Variants in NALCN observed in about 807,000 individuals in gnomAD.
NALCN encodes sodium leak channel NALCN.
A neutral mutation model predicts 225.3 loss-of-function variants in NALCN; 111 were observed. That is an observed-to-expected ratio of 0.49 (90% confidence interval 0.42 to 0.58). The LOEUF is 0.58. NALCN is among the 20% of genes least tolerant of loss of function. The probability of loss-of-function intolerance (pLI) is 0.00; values close to 1 mark genes in which losing one functional copy is unlikely to be tolerated. For missense variants in NALCN, 1,378 were observed against 2,202.4 expected, an observed-to-expected ratio of 0.63 and a Z score of 7.49; for synonymous variants, 764 against 769.0, an observed-to-expected ratio of 0.99 and a Z score of 0.11.
rs189418293 is a variant in NALCN, at chr13:101,096,114, A to G, written c.3163-434T>C. On this transcript the variant is annotated intron_variant, in intron 27 of 43. Transcript: ENST00000251127. ...GCAATCCTCATACTGGAACCCTTAC[A>G]TACTGGTGGGGATGTAGAATGGTGC... Among the ~76,000 whole-genome samples the G allele has an allele frequency of 1.7e-3, 261 of 152,256 alleles. 1 individual carries two copies. Among genetic ancestry groups the G allele is most frequent in the African/African-American group, 6.0e-3 (249 of 41,562 alleles).
rs12583478 is a variant in NALCN, at chr13:101,283,670, T to C, written c.1134+263A>G. ...GAATATTTTTATAAGATTTCACATGTCAACAAAATTCTTCATTGATTCAAT... is the reference window on the plus strand; with the variant it reads ...GAATATTTTTATAAGATTTCACATGCCAACAAAATTCTTCATTGATTCAAT... On this transcript the variant is annotated intron_variant, in intron 10 of 43. Transcript: ENST00000251127. 0.1 allele frequency among the ~76,000 whole-genome samples: 15,768 copies of C among 151,996 alleles called. 1,110 individuals are homozygous for C. The highest frequency in any genetic ancestry group is 0.19 in the African/African-American group (8,053 of 41,452).
chr13:101,160,018 G>A (rs2038090204), intron 15 of NALCN, among the ~76,000 whole-genome samples: 3 of 152,046 alleles, frequency 2.0e-5, no homozygotes, highest in Non-Finnish European at 2.9e-5. Context: ...GCAGCGGTGC[G>A]ATCTCGGCTC....
intron 28 of NALCN, among the ~76,000 whole-genome samples, chr13:101,093,605 T>C (rs906533305): frequency 7.2e-5 from 11 of 152,188 alleles, no homozygotes; most frequent in Non-Finnish European, 1.6e-4. Context: ...CCATAAAATA[T>C]TGCATTTAAA....
At chr13:101,380,857 AACACACACACAC>A (rs58640505) in intron 3 of NALCN, among the ~76,000 whole-genome samples, 1 of 145,564 alleles carries the variant, frequency 6.9e-6, no homozygotes, top group African/African-American at 2.5e-5. Flanking sequence ...ATGCCTAGCT[AACACACACACAC>A]ACACACACAC....
At chr13:101,144,685 G>C (rs912022976) in intron 16 of NALCN, 75 bp downstream of exon 16, 1 of 1,471,376 alleles carries the variant, frequency 6.8e-7, no homozygotes, top group African/African-American at 1.4e-5. Flanking sequence ...CTTAAAAGAA[G>C]GGTTAAATCA....
At chr13:101,074,720 C>CAGAG (rs71200721) in intron 35 of NALCN, 58 bp from the exon 36 acceptor site, 337 of 1,343,592 alleles carry the variant, frequency 2.5e-4, no homozygotes, top group African/African-American at 1.1e-3. Context: ...GAGACAGAGA[C>CAGAG]AGAGAGAGAG....
In NALCN at chr13:101,055,493, G is replaced by A. The variant is rs2031109666; in HGVS notation, c.5024-5C>T. ...AATGGCTTATTGGTTTTGGGGCTGT[G>A]GAATTAATGAGTCCTATGAGCCACT... On this transcript the variant is annotated splice_region_variant and splice_polypyrimidine_tract_variant and intron_variant, in intron 43 of 43. Transcript: ENST00000251127. The A allele has an allele frequency of 3.3e-5, 54 of 1,612,940 alleles. No individual in the cohort carries two copies. Among genetic ancestry groups the A allele is most frequent in the Non-Finnish European group, 4.6e-5 (54 of 1,179,316 alleles).
At chr13:101,170,130 A>G (rs1364939085) in intron 15 of NALCN, among the ~76,000 whole-genome samples, 1 of 152,196 alleles carries the variant, frequency 6.6e-6, no homozygotes, top group Non-Finnish European at 1.5e-5. Context: ...GAGAAACAGG[A>G]CCAATAAAAT....
At chr13:101,066,198 T>C (rs372345328) in intron 39 of NALCN, among the ~76,000 whole-genome samples, 1 of 151,616 alleles carries the variant, frequency 6.6e-6, no homozygotes, top group South Asian at 2.1e-4. Context: ...TAGTGGTACA[T>C]GCCTGTAGTC....
intron 13 of NALCN, among the ~76,000 whole-genome samples, chr13:101,219,758 A>G (rs1327195519): frequency 1.3e-5 from 2 of 152,156 alleles, no homozygotes; most frequent in Admixed American, 6.6e-5. Context: ...CTAACTGAAC[A>G]CTTTCTAGTG....
rs150589652 is a variant in NALCN at position 101,156,172 on chromosome 13, T to TTTTG, written c.1840-11280_1840-11277dup. On this transcript the variant is annotated intron_variant, in intron 15 of 43. Transcript: ENST00000251127. The stretch of plus-strand genomic sequence containing the variant: ...TAGTCTTCAGACATACTTCTATCTA[T>TTTTG]TTTGTTTGTTTGTTTGTTTGCTTGT... Among the ~76,000 whole-genome samples the TTTTG allele has an allele frequency of 2.1e-3, 323 of 150,908 alleles. 3 individuals carry two copies. The highest frequency in any genetic ancestry group is 2.4e-3 in the Non-Finnish European group (163 of 67,664).
intron 11 of NALCN, among the ~76,000 whole-genome samples, chr13:101,250,337 T>C (rs2042024269): frequency 6.6e-6 from 1 of 152,034 alleles, no homozygotes; most frequent in Non-Finnish European, 1.5e-5. Context: ...TGAAGAAGAA[T>C]ATCAACATCA....
In NALCN at chr13:101,089,648, A is replaced by G. The variant is rs900888720; in HGVS notation, c.3489+15T>C. The G allele has an allele frequency of 1.6e-5, 25 of 1,612,246 alleles. No homozygotes were observed. Among genetic ancestry groups the G allele is most frequent in the Non-Finnish European group, 2.1e-5 (25 of 1,179,534 alleles). ...AAAGGCTAAACCCTGTGGTATCCAA[A>G]CCAAAAATCCTTACCTTGTTTTCAT... is the stretch of plus-strand genomic sequence containing the variant. On this transcript the variant is annotated intron_variant, in intron 30 of 43. Coordinates refer to ENST00000251127, the MANE Select transcript of NALCN (RefSeq NM_052867.4). This position sits in a 1 kb window ranked among gnomAD's most constrained non-coding sequence, Gnocchi z 4.7.
At chr13:101,196,134 C>A (rs1334939712) in intron 13 of NALCN, among the ~76,000 whole-genome samples, 1 of 152,074 alleles carries the variant, frequency 6.6e-6, no homozygotes, top group East Asian at 1.9e-4. Flanking sequence ...AGAATCTGGG[C>A]CAATTTAACT....
chr13:101,303,889 T>C (rs1383041048), intron 7 of NALCN, among the ~76,000 whole-genome samples: 1 of 152,202 alleles, frequency 6.6e-6, no homozygotes, highest in African/African-American at 2.4e-5. Context: ...TGGCTATTCC[T>C]GACTGGGAGG....
chr13:101,176,290 C>T lies in NALCN; in HGVS notation c.1839+10G>A, dbSNP rs1019041291. On this transcript the variant is annotated intron_variant, in intron 15 of 43. Coordinates refer to ENST00000251127, the MANE Select transcript of NALCN (RefSeq NM_052867.4). ...TCCTTTTTAAAAAAAATCCCCCACA[C>T]ACTACTTACTTGTTTAAGCTTCTTT... 2.0e-6 allele frequency: 3 copies of T among 1,532,154 alleles called. No individual in the cohort carries two copies. Among genetic ancestry groups the T allele is most frequent in the East Asian group, 2.5e-5 (1 of 40,332 alleles). The allele number at this position is 1,532,154 out of a possible 1,614,324, so 94.9% of individuals were successfully genotyped here.
At chr13:101,164,657 C>T (rs2038353711) in intron 15 of NALCN, among the ~76,000 whole-genome samples, 1 of 152,126 alleles carries the variant, frequency 6.6e-6, no homozygotes, top group Admixed American at 6.5e-5. Context: ...TGGCTTAAAC[C>T]TTGATCTAAA....
chr13:101,358,426 G>C (rs1182000073), intron 6 of NALCN, among the ~76,000 whole-genome samples: 1 of 152,090 alleles, frequency 6.6e-6, no homozygotes, highest in Non-Finnish European at 1.5e-5. Flanking sequence ...TATTTATGCA[G>C]CCAAAAAACA....
intron 7 of NALCN, among the ~76,000 whole-genome samples, chr13:101,319,108 T>C (rs1051834734): frequency 6.6e-6 from 1 of 152,202 alleles, no homozygotes; most frequent in Admixed American, 6.5e-5. Flanking sequence ...AACTGCAGTA[T>C]ATTTTGCAGA....
Sources: gnomAD v4.1 joint callset for allele counts (sites outside exome capture counted in the v4.1 genomes callset) on GRCh38, gnomAD v4.1.1 for gene constraint, Gnocchi (gnomAD v3.1) non-coding constraint, MANE v1.5 for transcripts, NCBI Gene and HGNC (gene_info 2026-07-23, HGNC 2026-07-21) for gene names.